RRAD: variants seen among roughly 807,000 people sequenced by gnomAD.
The protein encoded by RRAD is RRAD, Ras related glycolysis inhibitor and calcium channel regulator, also known as GTP-binding protein RAD.
In RRAD, 15 loss-of-function variants were observed where a neutral mutation model predicts 24.7. That is an observed-to-expected ratio of 0.61 (90% CI 0.41 to 0.93). The LOEUF (loss-of-function observed/expected upper bound fraction) is 0.93. Among genes scored for constraint, RRAD ranks in the 40% least tolerant of loss-of-function variants. The pLI, the probability that RRAD is intolerant of heterozygous loss-of-function variation, is 0.00. For missense variants in RRAD, 438 were observed against 452.2 expected, an observed-to-expected ratio of 0.97 and a Z score of 0.29; for synonymous variants, 180 against 189.8, an observed-to-expected ratio of 0.95 and a Z score of 0.43.
chr16:66,924,830 C>G lies in RRAD; in HGVS notation c.350G>C (p.Gly117Ala). The change falls in exon 2 of 5, where the codon GGG becomes GCG. Residue 117 changes from glycine (G) to alanine (A), a missense_variant. Transcript: ENST00000299759. The surrounding 1 kb of genome is among the most constrained non-coding windows in gnomAD (Gnocchi z 4.2). Reference sequence around the variant, plus strand: ...CTCACCTGCTGCCTCTGCTTCAGGCCCGTCCTCCACACCGCCGAAGATGCG... The same window carrying G: ...CTCACCTGCTGCCTCTGCTTCAGGCGCGTCCTCCACACCGCCGAAGATGCG... ...LARIFGGVEDGPEAEAAGHTY... is the reference protein window; with the variant it reads ...LARIFGGVEDAPEAEAAGHTY... 6.3e-7 allele frequency: 1 copy of G among 1,585,220 alleles called. No individual in the cohort carries two copies. Among genetic ancestry groups the G allele is most frequent in the Admixed American group, 1.7e-5 (1 of 59,308 alleles).
At position 66,923,195 on chromosome 16, in the gene RRAD, C is replaced by T. The variant is rs564860296; in HGVS notation, c.649+321G>A. 6.6e-6 allele frequency among the ~76,000 whole-genome samples: 1 copy of T among 152,206 alleles called. No individual in the cohort carries two copies. The highest frequency in any genetic ancestry group is 2.4e-5 in the African/African-American group (1 of 41,518). On this transcript the variant is annotated intron_variant, in intron 4 of 4. Transcript: ENST00000299759. This position sits in a 1 kb window ranked among gnomAD's most constrained non-coding sequence, Gnocchi z 4.9. ...GAATGGCCCAGACCTAGCACACAGGCTCTGACCTCCTGGCCTGTTCCCCTA... is the reference window on the plus strand; with the variant it reads ...GAATGGCCCAGACCTAGCACACAGGTTCTGACCTCCTGGCCTGTTCCCCTA...
chr16:66,925,212 C>T lies in RRAD; in HGVS notation c.-15-18G>A. ...GGGACCGTCTAGGGGATCAGGAACCCGAGTGGCCGTGTAAGCCGCGAGGGA... is the reference window on the plus strand; with the variant it reads ...GGGACCGTCTAGGGGATCAGGAACCTGAGTGGCCGTGTAAGCCGCGAGGGA... On this transcript the variant is annotated intron_variant, in intron 1 of 4. Transcript: ENST00000299759. The surrounding 1 kb of genome is among the most constrained non-coding windows in gnomAD (Gnocchi z 5.2). The T allele has an allele frequency of 3.2e-6, 4 of 1,243,432 alleles. No homozygotes were observed. The highest frequency in any genetic ancestry group is 4.0e-6 in the Non-Finnish European group (4 of 993,790). 77.0% of individuals were successfully genotyped at this position (1,243,432 alleles called of 1,614,324 possible).
Position 66,923,628 on chromosome 16 carries a change from C to G in RRAD, c.537G>C (p.Lys179Asn). 2 of 1,614,068 alleles carry G rather than the reference C, an allele frequency of 1.2e-6. No homozygotes were observed. Among genetic ancestry groups the G allele is most frequent in the Non-Finnish European group, 1.7e-6 (2 of 1,180,008 alleles). Residue 179 changes from lysine (K) to asparagine (N), a missense_variant, in exon 4 of 5, where the codon AAG becomes AAC. By Grantham distance (94) the Lys-to-Asn change is moderately conservative. Transcript: ENST00000299759. The surrounding 1 kb of genome is among the most constrained non-coding windows in gnomAD (Gnocchi z 4.9). ...GCAGCTGGACCCGCAGTTCTGAGGC[C>G]TTCTCGAAGCTGCCCTTGTCCGTCA... ...YSVTDKGSFEKASELRVQLRR... is the reference protein window; with the variant it reads ...YSVTDKGSFENASELRVQLRR...
chr16:66,925,391 C>T lies in RRAD; in HGVS notation c.-16+18G>A, dbSNP rs1296795332. ...TCCATCTGCAGCCGCCCCGACCCCGCTCCGCCAGGACACTCACCCACTCGC... is the reference window on the plus strand; with the variant it reads ...TCCATCTGCAGCCGCCCCGACCCCGTTCCGCCAGGACACTCACCCACTCGC... On this transcript the variant is annotated intron_variant, in intron 1 of 4. Coordinates refer to ENST00000299759, the MANE Select transcript of RRAD (RefSeq NM_004165.3). The surrounding 1 kb of genome is among the most constrained non-coding windows in gnomAD (Gnocchi z 5.2). 2.7e-6 allele frequency: 1 copy of T among 376,350 alleles called. No homozygotes were observed. The allele number at this position is 376,350 out of a possible 1,614,324, so 23.3% of individuals were successfully genotyped here. A position where few individuals can be genotyped will look rare whatever the true frequency, so the allele number is the denominator to read the frequency against.
In RRAD at chr16:66,922,022, G is replaced by T. The variant is rs1400639333; in HGVS notation, c.*54C>A. The T allele has an allele frequency of 2.0e-5, 31 of 1,532,764 alleles. No homozygotes were observed. The highest frequency in any genetic ancestry group is 2.6e-5 in the Non-Finnish European group (29 of 1,124,352). 94.9% of individuals were successfully genotyped at this position (1,532,764 alleles called of 1,614,324 possible). ...TGAGGCACCCGGGGCAGTTGGCTGG[G>T]CCAGCCCACCAACCCTTCCGTTCGT... On this transcript the variant is annotated 3_prime_UTR_variant, in exon 5 of 5. Transcript: ENST00000299759.
Position 66,925,106 on chromosome 16 carries a change from C to G in RRAD, c.74G>C (p.Gly25Ala), listed in dbSNP as rs922361915. Residue 25 changes from glycine to alanine, a missense_variant, in exon 2 of 5, where the codon GGC (glycine) becomes GCC (alanine). Physicochemically the swap from Gly to Ala is moderately conservative, Grantham distance 60 (BLOSUM62 0). Coordinates refer to ENST00000299759, the MANE Select transcript of RRAD (RefSeq NM_004165.3). The surrounding 1 kb of genome is among the most constrained non-coding windows in gnomAD (Gnocchi z 5.2). Reference protein sequence around the residue: ...GGGQERERRRGSTPWGPAPPL... With the variant: ...GGGQERERRRASTPWGPAPPL... Reference sequence around the variant, plus strand: ...CGGGGCGGGGCCCCAGGGTGTGCTGCCCCGACGGCGCTCGCGCTCCTGGCC... The same window carrying G: ...CGGGGCGGGGCCCCAGGGTGTGCTGGCCCGACGGCGCTCGCGCTCCTGGCC... 2.4e-6 allele frequency: 3 copies of G among 1,228,964 alleles called. No homozygotes were observed. In the Admixed American group the frequency reaches 1.3e-4, roughly 53 times the overall value. 76.1% of individuals were successfully genotyped at this position (1,228,964 alleles called of 1,614,324 possible). A position where few individuals can be genotyped will look rare whatever the true frequency, so the allele number is the denominator to read the frequency against.
Position 66,925,372 on chromosome 16 carries a change from T to G in RRAD, c.-16+37A>C, listed in dbSNP as rs960992523. On this transcript the variant is annotated intron_variant, in intron 1 of 4. Transcript: ENST00000299759. This position sits in a 1 kb window ranked among gnomAD's most constrained non-coding sequence, Gnocchi z 5.2. The stretch of plus-strand genomic sequence containing the variant: ...CCCCTCCGGACCTGGCGCATCCATC[T>G]GCAGCCGCCCCGACCCCGCTCCGCC... 2.4e-6 allele frequency: 1 copy of G among 425,442 alleles called. No homozygotes were observed. Among genetic ancestry groups the G allele is most frequent in the Non-Finnish European group, 3.8e-6 (1 of 261,144 alleles). 26.4% of individuals were successfully genotyped at this position (425,442 alleles called of 1,614,324 possible).
At position 66,923,608 on chromosome 16, in the gene RRAD, T is replaced by C. The variant is rs377054542; in HGVS notation, c.557A>G (p.Gln186Arg). ...ATCTGTTTGCCGTGCACGCCGCAGC[T>C]GGACCCGCAGTTCTGAGGCCTTCTC... ...SFEKASELRV[Q>R]LRRARQTDDV... Residue 186 changes from glutamine (Q) to arginine (R), a missense_variant, in exon 4 of 5, where the codon CAG becomes CGG. By Grantham distance (43) the Gln-to-Arg change is conservative. Transcript: ENST00000299759. This position sits in a 1 kb window ranked among gnomAD's most constrained non-coding sequence, Gnocchi z 4.9. The C allele has an allele frequency of 3.7e-5, 59 of 1,613,746 alleles. No homozygotes were observed. The highest frequency in any genetic ancestry group is 4.9e-5 in the Non-Finnish European group (58 of 1,180,014).
rs1962939932 is a variant in RRAD, at chr16:66,923,125, G to A, written c.649+391C>T. 6.6e-6 allele frequency among the ~76,000 whole-genome samples: 1 copy of A among 152,204 alleles called. No homozygotes were observed. The highest frequency in any genetic ancestry group is 2.1e-4 in the South Asian group (1 of 4,834). On this transcript the variant is annotated intron_variant, in intron 4 of 4. Transcript: ENST00000299759. This position sits in a 1 kb window ranked among gnomAD's most constrained non-coding sequence, Gnocchi z 4.9. The stretch of plus-strand genomic sequence containing the variant: ...ACTGGGGTCCACAGAAAAGGATGCT[G>A]AGGCCAAGTGGGAAGGGTCTTCCCC...
chr16:66,922,131 C>T lies in RRAD; in HGVS notation c.872G>A (p.Arg291His). ...GGATTTGGCGCGAAAGGCCATCTTGCGGCTGTTACGAGCTACGATGCGGCC... is the reference window on the plus strand; with the variant it reads ...GGATTTGGCGCGAAAGGCCATCTTGTGGCTGTTACGAGCTACGATGCGGCC... ...FLGRIVARNS[R>H]KMAFRAKSKS... The change falls in exon 5 of 5, where the codon CGC becomes CAC. Residue 291 changes from arginine (R) to histidine (H), a missense_variant. Coordinates refer to ENST00000299759, the MANE Select transcript of RRAD (RefSeq NM_004165.3). The T allele has an allele frequency of 6.2e-7, 1 of 1,613,064 alleles. No homozygotes were observed. The highest frequency in any genetic ancestry group is 1.1e-5 in the South Asian group (1 of 91,068).
At position 66,921,981 on chromosome 16, in the gene RRAD, G is replaced by T; in HGVS notation, c.*95C>A. On this transcript the variant is annotated 3_prime_UTR_variant, in exon 5 of 5. Transcript: ENST00000299759. ...CCGGCTGGCAGCTCCGAGGGACCCA[G>T]AGTCTGAGCCTGCTCTGAGGCACCC... 4 of 1,148,276 alleles carry T rather than the reference G, an allele frequency of 3.5e-6. No individual in the cohort carries two copies. Among genetic ancestry groups the T allele is most frequent in the Non-Finnish European group, 5.0e-6 (4 of 807,694 alleles). 71.1% of individuals were successfully genotyped at this position (1,148,276 alleles called of 1,614,324 possible).
In RRAD at chr16:66,924,018, C is replaced by G. The variant is rs1310430945; in HGVS notation, c.371-99G>C. Reference sequence around the variant, plus strand: ...ACACCCTCCAACTCTTCCCCAGAGCCCTCCTTACCCTCCACTCCACTTGCA... The same window carrying G: ...ACACCCTCCAACTCTTCCCCAGAGCGCTCCTTACCCTCCACTCCACTTGCA... On this transcript the variant is annotated intron_variant, in intron 2 of 4. Transcript: ENST00000299759. The surrounding 1 kb of genome is among the most constrained non-coding windows in gnomAD (Gnocchi z 4.2). 3 of 884,788 alleles carry G rather than the reference C, an allele frequency of 3.4e-6. No individual in the cohort carries two copies. The highest frequency in any genetic ancestry group is 1.7e-5 in the Admixed American group (1 of 57,520). 54.8% of individuals were successfully genotyped at this position (884,788 alleles called of 1,614,324 possible). A position where few individuals can be genotyped will look rare whatever the true frequency, so the allele number is the denominator to read the frequency against.
In RRAD at chr16:66,925,154, C is replaced by T; in HGVS notation, c.26G>A (p.Gly9Glu). Residue 9 changes from glycine (G) to glutamate (E), a missense_variant, in exon 2 of 5, where the codon GGA becomes GAA. By Grantham distance (98) the Gly-to-Glu change is moderately conservative. Transcript: ENST00000299759. This position sits in a 1 kb window ranked among gnomAD's most constrained non-coding sequence, Gnocchi z 5.2. ...GCCCCCACCGCGGCTCCCGCCCGCT[C>T]CGCTGCCGCCGCCGTTCAGGGTCAT... MTLNGGGS[G>E]AGGSRGGGQE... The T allele has an allele frequency of 8.1e-7, 1 of 1,230,074 alleles. No individual in the cohort carries two copies. The highest frequency in any genetic ancestry group is 1.0e-6 in the Non-Finnish European group (1 of 987,062). 76.2% of individuals were successfully genotyped at this position (1,230,074 alleles called of 1,614,324 possible).
rs541356722 is a variant in RRAD at position 66,924,678 on chromosome 16, A to AAATAATAATAATAATAATAATAATAAT, written c.370+131_370+132insATTATTATTATTATTATTATTATTATT. The AAATAATAATAATAATAATAATAATAAT allele has an allele frequency of 7.3e-6, 5 of 687,410 alleles. No homozygotes were observed. The highest frequency in any genetic ancestry group is 7.4e-5 in the East Asian group (2 of 27,130). The allele number at this position is 687,410 out of a possible 1,614,324, so 42.6% of individuals were successfully genotyped here. ...GAAACTCTGTCTCAAAATAATAATA[A>AAATAATAATAATAATAATAATAATAAT]AATAATAATAATAATAATAATAACA... On this transcript the variant is annotated intron_variant, in intron 2 of 4. Transcript: ENST00000299759. The surrounding 1 kb of genome is among the most constrained non-coding windows in gnomAD (Gnocchi z 4.2).
rs1962951800 is a variant in RRAD at position 66,923,751 on chromosome 16, C to G, written c.445-31G>C. 1.9e-6 allele frequency: 3 copies of G among 1,613,426 alleles called. No homozygotes were observed. The highest frequency in any genetic ancestry group is 1.3e-5 in the African/African-American group (1 of 74,998). On this transcript the variant is annotated intron_variant, in intron 3 of 4. Coordinates refer to ENST00000299759, the MANE Select transcript of RRAD (RefSeq NM_004165.3). The surrounding 1 kb of genome is among the most constrained non-coding windows in gnomAD (Gnocchi z 4.9). ...GAACACACAACACACATCTGCCCAA[C>G]AGTCCTCATGCCCCCGACACGAGCC...
Position 66,925,033 on chromosome 16 carries a change from C to A in RRAD, c.147G>T (p.Ala49=). 13 of 1,367,408 alleles carry A rather than the reference C, an allele frequency of 9.5e-6. No individual in the cohort carries two copies. The highest frequency in any genetic ancestry group is 1.2e-5 in the Non-Finnish European group (13 of 1,056,508). The allele number at this position is 1,367,408 out of a possible 1,614,324, so 84.7% of individuals were successfully genotyped here. The stretch of plus-strand genomic sequence containing the variant: ...CCGTCAGGGCACCCGGGGTCAGCGC[C>A]GCCTGCAGGTCGCGCTCGTCCACCG... ...SMPVDERDLQ[A]ALTPGALTAA... Residue 49 remains alanine (A), a synonymous_variant, in exon 2 of 5, where the codon GCG becomes GCT. Transcript: ENST00000299759. This position sits in a 1 kb window ranked among gnomAD's most constrained non-coding sequence, Gnocchi z 5.2.
Position 66,925,048 on chromosome 16 carries a change from C to G in RRAD, c.132G>C (p.Glu44Asp). Residue 44 changes from glutamate to aspartate, a missense_variant, in exon 2 of 5, where the codon GAG (glutamate) becomes GAC (aspartate). Physicochemically the swap from Glu to Asp is conservative, Grantham distance 45. Coordinates refer to ENST00000299759, the MANE Select transcript of RRAD (RefSeq NM_004165.3). The surrounding 1 kb of genome is among the most constrained non-coding windows in gnomAD (Gnocchi z 5.2). The part of the protein sequence containing the change: ...PLHRRSMPVD[E>D]RDLQAALTPG... ...GGGTCAGCGCCGCCTGCAGGTCGCG[C>G]TCGTCCACCGGCATGCTGCGGCGGT... 1 of 1,333,006 alleles carries G rather than the reference C, an allele frequency of 7.5e-7. No individual in the cohort carries two copies. The highest frequency in any genetic ancestry group is 9.6e-7 in the Non-Finnish European group (1 of 1,040,866). The allele number at this position is 1,333,006 out of a possible 1,614,324, so 82.6% of individuals were successfully genotyped here.
rs1014294157 is a variant in RRAD at position 66,925,221 on chromosome 16, G to A, written c.-15-27C>T. ...TAGGGGATCAGGAACCCGAGTGGCC[G>A]TGTAAGCCGCGAGGGAGGCGGGACC... On this transcript the variant is annotated intron_variant, in intron 1 of 4. Transcript: ENST00000299759. This position sits in a 1 kb window ranked among gnomAD's most constrained non-coding sequence, Gnocchi z 5.2. The A allele has an allele frequency of 2.6e-5, 32 of 1,237,084 alleles. No individual in the cohort carries two copies. The highest frequency in any genetic ancestry group is 3.0e-5 in the Non-Finnish European group (30 of 990,012). The allele number at this position is 1,237,084 out of a possible 1,614,324, so 76.6% of individuals were successfully genotyped here. A position where few individuals can be genotyped will look rare whatever the true frequency, so the allele number is the denominator to read the frequency against.
rs1205258043 is a variant in RRAD, at chr16:66,923,789, A to G, written c.444+57T>C. The stretch of plus-strand genomic sequence containing the variant: ...CCCGACACGAGCCTGGCACTCCCAG[A>G]CCTCTAACCCAACTCACTCCTCCCT... On this transcript the variant is annotated intron_variant, in intron 3 of 4. Transcript: ENST00000299759. This position sits in a 1 kb window ranked among gnomAD's most constrained non-coding sequence, Gnocchi z 4.9. The G allele has an allele frequency of 6.2e-7, 1 of 1,609,438 alleles. No homozygotes were observed. The highest frequency in any genetic ancestry group is 8.5e-7 in the Non-Finnish European group (1 of 1,176,272).
Sources: gnomAD v4.1 joint callset for allele counts (sites outside exome capture counted in the v4.1 genomes callset) on GRCh38, gnomAD v4.1.1 for gene constraint, Gnocchi (gnomAD v3.1) non-coding constraint, MANE v1.5 for transcripts, NCBI Gene and HGNC (gene_info 2026-07-23, HGNC 2026-07-21) for gene names.